Variants in DYM observed in about 807,000 individuals in gnomAD.
DYM encodes dyggve-Melchior-Clausen syndrome protein.
Under a neutral mutation model 93.1 loss-of-function variants are expected in DYM, and 78 were observed. The observed-to-expected ratio is 0.84, with a 90% CI of 0.70 to 1.01. DYM has a LOEUF of 1.01. Ranked by LOEUF, DYM falls within the 50% of genes least tolerant of loss-of-function variation. The pLI is 0.00. For missense variants in DYM, 789 were observed against 845.0 expected (o/e 0.93, Z 0.82); for synonymous variants, 321 against 319.7 (o/e 1.00, Z -0.04).
At chr18:49,365,788 G>A (rs2066466361) in intron 5 of DYM, among the ~76,000 whole-genome samples, 1 of 152,130 alleles carries the variant, frequency 6.6e-6, no homozygotes, top group Admixed American at 6.5e-5. Flanking sequence ...CACAGATGGT[G>A]CCTGATTTGA....
intron 8 of DYM, among the ~76,000 whole-genome samples, chr18:49,299,126 G>A (rs1005861125): frequency 6.6e-6 from 1 of 151,952 alleles, no homozygotes; most frequent in African/African-American, 2.4e-5. Flanking sequence ...TCCCAAAATG[G>A]TACACGGATC....
intron 2 of DYM, among the ~76,000 whole-genome samples, chr18:49,392,644 G>A (rs532094613): frequency 1.9e-4 from 25 of 132,760 alleles, no homozygotes; most frequent in African/African-American, 6.2e-4. Context: ...AAACCAGAGC[G>A]AGATACTACT....
chr18:49,340,412 A>G (rs1481350776), intron 6 of DYM, among the ~76,000 whole-genome samples: 1 of 152,250 alleles, frequency 6.6e-6, no homozygotes, highest in African/African-American at 2.4e-5. Context: ...CATACGAATA[A>G]CATTTTGTAC....
chr18:49,371,079 G>A (rs1031177465), intron 5 of DYM, among the ~76,000 whole-genome samples: 18 of 152,172 alleles, frequency 1.2e-4, no homozygotes, highest in African/African-American at 4.3e-4. Flanking sequence ...CAAGGAATGG[G>A]GCCTGAACCT....
Position 49,333,822 on chromosome 18 carries a change from T to C in DYM, c.526A>G (p.Ile176Val), listed in dbSNP as rs35435872. 3.6e-5 allele frequency: 58 copies of C among 1,612,592 alleles called. No homozygotes were observed. In the African/African-American group the frequency reaches 6.3e-4, roughly 17 times the overall value. Residue 176 changes from isoleucine to valine, a missense_variant, in exon 7 of 18, where the codon ATA (isoleucine) becomes GTA (valine). By Grantham distance (29) the Ile-to-Val change is conservative (BLOSUM62 3). Transcript: ENST00000675505. ...GAAAGGAAAACAACCATTGTTGATA[T>C]AGCTTCTACTGATATTTCATATGTA... ...DITYEISVEA[I>V]STMVVFLSCQ...
chr18:49,078,614 C>T (rs2077517608), intron 17 of DYM, among the ~76,000 whole-genome samples: 1 of 152,128 alleles, frequency 6.6e-6, no homozygotes, highest in South Asian at 2.1e-4. Flanking sequence ...CAGCTTCTCT[C>T]CTGTGCTTTT....
At chr18:49,283,425 C>T (rs1022481090) in intron 9 of DYM, among the ~76,000 whole-genome samples, 115 of 144,812 alleles carry the variant, frequency 7.9e-4, no homozygotes, top group African/African-American at 2.7e-3. Context: ...TGTTAAGAAA[C>T]TTTTTTTTTT....
At chr18:49,318,797 C>CTT (rs932617888) in intron 8 of DYM, among the ~76,000 whole-genome samples, 1,149 of 114,326 alleles carry the variant, frequency 0.01, 67 homozygotes, top group African/African-American at 0.033. Flanking sequence ...ATTTCTTTTT[C>CTT]TTTTTTTTTT....
intron 14 of DYM, among the ~76,000 whole-genome samples, chr18:49,180,090 A>G (rs2089773423): frequency 6.6e-6 from 1 of 152,130 alleles, no homozygotes; most frequent in Non-Finnish European, 1.5e-5. Flanking sequence ...CTCTAGTCTG[A>G]TAACAATGCT....
intron 3 of DYM, among the ~76,000 whole-genome samples, chr18:49,391,027 T>C (rs914886085): frequency 2.0e-5 from 3 of 152,208 alleles, no homozygotes; most frequent in Non-Finnish European, 4.4e-5. Flanking sequence ...CTGACATAAA[T>C]GGTTTGCAAT....
In DYM at chr18:49,097,217, C is replaced by A. The variant is rs553695945; in HGVS notation, c.2025+185G>T. 4.7e-6 allele frequency: 3 copies of A among 635,774 alleles called. No individual in the cohort carries two copies. The South Asian group carries it at 5.5e-5, about 12-fold the overall frequency. The allele number at this position is 635,774 out of a possible 1,614,324, so 39.4% of individuals were successfully genotyped here. A position where few individuals can be genotyped will look rare whatever the true frequency, so the allele number is the denominator to read the frequency against. On this transcript the variant is annotated intron_variant, in intron 17 of 17. Transcript: ENST00000675505. ...ATGCCATGGCTACTTGTAGGATATGCAGTGGCATGAAAGTATTAATGCTTC... is the reference window on the plus strand; with the variant it reads ...ATGCCATGGCTACTTGTAGGATATGAAGTGGCATGAAAGTATTAATGCTTC...
chr18:49,175,525 T>C (rs2089280410), intron 14 of DYM, among the ~76,000 whole-genome samples: 1 of 152,196 alleles, frequency 6.6e-6, no homozygotes, highest in Non-Finnish European at 1.5e-5. Context: ...AACATTATTT[T>C]AGGTTTATAA....
At chr18:49,254,154 G>T (rs2094343256) in intron 13 of DYM, among the ~76,000 whole-genome samples, 1 of 151,816 alleles carries the variant, frequency 6.6e-6, no homozygotes, top group Non-Finnish European at 1.5e-5. Flanking sequence ...CTTTCAATGA[G>T]AAGCCTTCTT....
chr18:49,394,406 AGTACCATGCT>A (rs1385994587), intron 2 of DYM, among the ~76,000 whole-genome samples: 1 of 152,190 alleles, frequency 6.6e-6, no homozygotes, highest in Non-Finnish European at 1.5e-5. Context: ...TTTTTATACC[AGTACCATGCT>A]GTTTTGGTTA....
At chr18:49,177,153 A>G (rs2089471917) in intron 14 of DYM, among the ~76,000 whole-genome samples, 1 of 152,164 alleles carries the variant, frequency 6.6e-6, no homozygotes, top group Admixed American at 6.6e-5. Context: ...TGAAAGAGAA[A>G]ATTCATTTGG....
At position 49,427,230 on chromosome 18, in the gene DYM, C is replaced by T. The variant is rs531773417; in HGVS notation, c.140+3025G>A. On this transcript the variant is annotated intron_variant, in intron 2 of 17. Transcript: ENST00000675505. ...GCTTTTAAACCTCATTTCCAATTTA[C>T]GGGAAATATATGGAATAAAAGAACA... 1.4e-4 allele frequency among the ~76,000 whole-genome samples: 22 copies of T among 151,914 alleles called. No individual in the cohort carries two copies. The South Asian group carries it at 3.5e-3, about 24-fold the overall frequency.
At chr18:49,144,946 A>G (rs1368091724) in intron 15 of DYM, among the ~76,000 whole-genome samples, 1 of 150,848 alleles carries the variant, frequency 6.6e-6, no homozygotes, top group Admixed American at 6.6e-5. Context: ...CAAAAAATAA[A>G]AAACTTAGTT....
chr18:49,097,448 T>G lies in DYM; in HGVS notation c.1979A>C (p.Glu660Ala), dbSNP rs2079648869. Residue 660 changes from glutamate (E) to alanine (A), a missense_variant, in exon 17 of 18, where the codon GAA becomes GCA. By Grantham distance (107) the Glu-to-Ala change is moderately radical (BLOSUM62 -1). Coordinates refer to ENST00000675505, the MANE Select transcript of DYM (RefSeq NM_001353214.3). ...GAELSVERVL[E>A]IIKQGVVALP... ...CGCAACGACGCCTTGCTTAATGATT[T>G]CCAGGACCCGTTCCACTGACAGCTC... 1 of 1,614,090 alleles carries G rather than the reference T, an allele frequency of 6.2e-7. No individual in the cohort carries two copies. Among genetic ancestry groups the G allele is most frequent in the Non-Finnish European group, 8.5e-7 (1 of 1,179,940 alleles).
At position 49,261,408 on chromosome 18, in the gene DYM, C is replaced by T. The variant is rs553212742; in HGVS notation, c.1252-2915G>A. On this transcript the variant is annotated intron_variant, in intron 11 of 17. Transcript: ENST00000675505. ...AAGTTTGGCTGGGCATGGAGGCTCA[C>T]GCCTGTAATCCCAGCACTTTGGGAG... Among the ~76,000 whole-genome samples, 267 of 152,320 alleles carry T rather than the reference C, an allele frequency of 1.8e-3. 2 individuals are homozygous for T. The highest frequency in any genetic ancestry group is 6.8e-3 in the Middle Eastern group (2 of 294).
Sources: allele counts gnomAD v4.1 joint callset (sites outside exome capture counted in the v4.1 genomes callset), GRCh38; gene constraint gnomAD v4.1.1; transcripts MANE v1.5; gene names NCBI Gene and HGNC (gene_info 2026-07-23, HGNC 2026-07-21).